The following RBMS3 variants were observed in gnomAD, a reference collection of about 807,000 sequenced individuals.
RBMS3 encodes RNA binding motif single stranded interacting protein 3, also known as RNA-binding motif, single-stranded-interacting protein 3.
In RBMS3, 27 loss-of-function variants were observed where a neutral mutation model predicts 66.8. That is an observed-to-expected ratio of 0.40 (90% CI 0.30 to 0.56). The LOEUF is 0.56. Ranked by LOEUF, RBMS3 falls within the 20% of genes least tolerant of loss-of-function variation. The pLI, the probability that RBMS3 is intolerant of heterozygous loss-of-function variation, is 0.40. For missense variants in RBMS3, 513 were observed against 549.5 expected, an observed-to-expected ratio of 0.93 and a Z score of 0.66; for synonymous variants, 188 against 183.0, an observed-to-expected ratio of 1.03 and a Z score of -0.22.
At chr3:29,594,900 C>A (rs777346774) in intron 4 of RBMS3, among the ~76,000 whole-genome samples, 3 of 152,112 alleles carry the variant, frequency 2.0e-5, no homozygotes, top group Non-Finnish European at 4.4e-5. Context: ...TGGGTACTAC[C>A]CTCTGCTTTT....
chr3:29,305,453 G>C (rs1364206219), intron 1 of RBMS3, among the ~76,000 whole-genome samples: 1 of 151,904 alleles, frequency 6.6e-6, no homozygotes, highest in Non-Finnish European at 1.5e-5. Context: ...TACTCCTTGA[G>C]TGAATAACCA....
intron 3 of RBMS3, among the ~76,000 whole-genome samples, chr3:29,538,434 C>T (rs755550881): frequency 6.6e-6 from 1 of 152,036 alleles, no homozygotes; most frequent in African/African-American, 2.4e-5. Context: ...TTCCTGGCAA[C>T]CCAAACAAAA....
chr3:29,899,908 A>G (rs2060213695), intron 10 of RBMS3, among the ~76,000 whole-genome samples, 153 bp downstream of exon 10: 1 of 151,782 alleles, frequency 6.6e-6, no homozygotes, highest in Non-Finnish European at 1.5e-5. Context: ...CTGAAATTCT[A>G]CAAAAGCATG....
chr3:29,739,678 A>G lies in RBMS3; in HGVS notation c.400-42A>G, dbSNP rs373795180. ...TTTCTCTATTTGTACAATGTTTCTC[A>G]ATACTCAGAACTTACCATATTTGTT... On this transcript the variant is annotated intron_variant, in intron 4 of 14. Transcript: ENST00000383767. 5.1e-4 allele frequency: 749 copies of G among 1,482,706 alleles called. 17 individuals are homozygous for G. The South Asian group carries it at 8.3e-3, about 16-fold the overall frequency. 91.8% of individuals were successfully genotyped at this position (1,482,706 alleles called of 1,614,324 possible).
chr3:29,645,811 G>T (rs560493995), intron 4 of RBMS3, among the ~76,000 whole-genome samples: 2 of 152,298 alleles, frequency 1.3e-5, no homozygotes, highest in Admixed American at 6.5e-5. Flanking sequence ...ATTGTGTAAT[G>T]TTTTTGGTAA....
intron 4 of RBMS3, chr3:29,616,690 G>A (rs1010266158): frequency 1.3e-5 from 2 of 152,132 alleles, no homozygotes; most frequent in African/African-American, 4.8e-5. Context: ...CTCTTCGCAT[G>A]TCCCTCAATA....
intron 1 of RBMS3, among the ~76,000 whole-genome samples, chr3:29,347,039 G>A (rs1470989449): frequency 6.6e-6 from 1 of 152,118 alleles, no homozygotes; most frequent in Non-Finnish European, 1.5e-5. Flanking sequence ...TAGGTTTTCA[G>A]TTAATGCCTT....
At chr3:29,727,282 A>G (rs1216165174) in intron 4 of RBMS3, among the ~76,000 whole-genome samples, 1 of 152,208 alleles carries the variant, frequency 6.6e-6, no homozygotes, top group Non-Finnish European at 1.5e-5. Flanking sequence ...AACCTAGGCA[A>G]TACCATTCAG....
At chr3:29,583,468 AT>A (rs2047402093) in intron 3 of RBMS3, among the ~76,000 whole-genome samples, 1 of 152,172 alleles carries the variant, frequency 6.6e-6, no homozygotes, top group Non-Finnish European at 1.5e-5. Context: ...GTAAGTTAAC[AT>A]TTTTTAAACG....
intron 5 of RBMS3, among the ~76,000 whole-genome samples, chr3:29,755,556 A>G (rs2055371421): frequency 6.6e-6 from 1 of 152,210 alleles, no homozygotes; most frequent in Admixed American, 6.5e-5. Flanking sequence ...TGATGTTCCC[A>G]GAGAGGAGCA....
chr3:29,584,700 A>G (rs1356539779), intron 3 of RBMS3, among the ~76,000 whole-genome samples: 1 of 152,098 alleles, frequency 6.6e-6, no homozygotes, highest in Admixed American at 6.6e-5. Context: ...CTATGTCTTT[A>G]TGTCTTCCTT....
intron 6 of RBMS3, among the ~76,000 whole-genome samples, chr3:29,814,572 G>A (rs1015842208): frequency 5.9e-5 from 9 of 152,126 alleles, no homozygotes; most frequent in African/African-American, 2.2e-4. Flanking sequence ...GTTCCTCCTT[G>A]TACCTCTGGT....
intron 4 of RBMS3, among the ~76,000 whole-genome samples, chr3:29,654,072 G>A (rs1029995553): frequency 6.6e-6 from 1 of 152,136 alleles, no homozygotes; most frequent in East Asian, 1.9e-4. Context: ...CAGGAAATTG[G>A]TAGTAAGTCA....
In RBMS3 at chr3:29,303,029, A is replaced by G. The variant is rs560362206; in HGVS notation, c.75+21273A>G. Among the ~76,000 whole-genome samples, 8 of 152,058 alleles carry G rather than the reference A, an allele frequency of 5.3e-5. No homozygotes were observed. The East Asian group carries it at 1.4e-3, about 26-fold the overall frequency. On this transcript the variant is annotated intron_variant, in intron 1 of 14. Coordinates refer to ENST00000383767, the MANE Select transcript of RBMS3 (RefSeq NM_001003793.3). Reference sequence around the variant, plus strand: ...TTCTAATGATCTCAGTGTGTGCTAAAAGGTCTATTTCCTAAGGCCTCAGAG... The same window carrying G: ...TTCTAATGATCTCAGTGTGTGCTAAGAGGTCTATTTCCTAAGGCCTCAGAG...
chr3:29,727,642 C>A (rs868792595), intron 4 of RBMS3, among the ~76,000 whole-genome samples: 6 of 152,084 alleles, frequency 3.9e-5, no homozygotes, highest in Admixed American at 6.5e-5. Context: ...AAATGCAAAT[C>A]GAAACCGCAA....
chr3:29,821,621 A>G (rs2149475460), intron 6 of RBMS3, among the ~76,000 whole-genome samples: 1 of 152,338 alleles, frequency 6.6e-6, no homozygotes, highest in East Asian at 1.9e-4. Flanking sequence ...AACACTTTTT[A>G]TATTATGAAG....
At chr3:29,622,495 C>G (rs1348540598) in intron 4 of RBMS3, among the ~76,000 whole-genome samples, 1 of 152,062 alleles carries the variant, frequency 6.6e-6, no homozygotes, top group Non-Finnish European at 1.5e-5. Context: ...TGAGAGACAG[C>G]CTTACATAAT....
chr3:29,379,137 A>G (rs1424016418), intron 1 of RBMS3, among the ~76,000 whole-genome samples: 1 of 152,190 alleles, frequency 6.6e-6, no homozygotes, highest in East Asian at 1.9e-4. Context: ...ACATACAGGA[A>G]TGCAGGGACA....
chr3:29,802,807 TTAAC>T (rs1284472411), intron 6 of RBMS3, among the ~76,000 whole-genome samples: 1 of 152,096 alleles, frequency 6.6e-6, no homozygotes, highest in Non-Finnish European at 1.5e-5. Flanking sequence ...AATGAAAAAA[TTAAC>T]TAGCATCCGG....
Sources: allele counts gnomAD v4.1 joint callset (sites outside exome capture counted in the v4.1 genomes callset), GRCh38; gene constraint gnomAD v4.1.1; transcripts MANE v1.5; gene names NCBI Gene and HGNC (gene_info 2026-07-23, HGNC 2026-07-21).